ACBD5: variants seen among roughly 807,000 people sequenced by gnomAD.
ACBD5 encodes acyl-CoA binding domain containing 5.
A neutral mutation model predicts 71.8 loss-of-function variants in ACBD5; 40 were observed. The ratio of observed to expected loss-of-function variants is 0.56; its 90% CI spans 0.43 to 0.72. ACBD5 has a LOEUF of 0.72. Among genes scored for constraint, ACBD5 ranks in the 30% least tolerant of loss-of-function variants. ACBD5 has a pLI of 0.00. For synonymous variants in ACBD5, 229 were observed against 218.6 expected (o/e 1.05, Z -0.42); for missense variants, 559 against 644.5 (o/e 0.87, Z 1.44).
chr10:27,192,453 G>C (rs991758460), downstream of ACBD5, among the ~76,000 whole-genome samples: 1 of 152,050 alleles, frequency 6.6e-6, no homozygotes, highest in Non-Finnish European at 1.5e-5. Flanking sequence ...TGGGATATAA[G>C]CTGACCAGGC....
In ACBD5 at chr10:27,240,625, C is replaced by A. The variant is rs915627263; in HGVS notation, c.15+49G>T. 6.9e-5 allele frequency: 107 copies of A among 1,550,966 alleles called. No individual in the cohort carries two copies. Among genetic ancestry groups the A allele is most frequent in the Non-Finnish European group, 9.0e-5 (103 of 1,146,946 alleles). On this transcript the variant is annotated intron_variant, in intron 1 of 12. Coordinates refer to ENST00000396271, the MANE Select transcript of ACBD5 (RefSeq NM_145698.5). This position sits in a 1 kb window ranked among gnomAD's most constrained non-coding sequence, Gnocchi z 4.1. ...CCGGCTCCTTCCTCCTCCCCCGGGG[C>A]GTGACTAAGGCCACGAATCCGGCCC...
At chr10:27,206,254 GA>G (rs1302398824) in intron 10 of ACBD5, among the ~76,000 whole-genome samples, 1 of 151,062 alleles carries the variant, frequency 6.6e-6, no homozygotes, top group Non-Finnish European at 1.5e-5. Flanking sequence ...TACATCAAAA[GA>G]ATTTTAGCAG....
rs1456420694 is a variant in ACBD5, at chr10:27,196,086, C to T, written c.*1344G>A. The T allele has an allele frequency of 2.3e-6, 1 of 439,644 alleles. No individual in the cohort carries two copies. The highest frequency in any genetic ancestry group is 4.5e-6 in the Non-Finnish European group (1 of 220,692). The allele number at this position is 439,644 out of a possible 1,614,324, so 27.2% of individuals were successfully genotyped here. A position where few individuals can be genotyped will look rare whatever the true frequency, so the allele number is the denominator to read the frequency against. On this transcript the variant is annotated 3_prime_UTR_variant, in exon 13 of 13. Coordinates refer to ENST00000396271, the MANE Select transcript of ACBD5 (RefSeq NM_145698.5). ...GCATGGTGGTGCATGCCTGTAATCC[C>T]AGCTACTTGGGAGTGAGGCAGGAGA...
At chr10:27,212,029 G>A (rs1036857694) in intron 8 of ACBD5, among the ~76,000 whole-genome samples, 2 of 152,072 alleles carry the variant, frequency 1.3e-5, no homozygotes, top group African/African-American at 4.8e-5. Context: ...GGTGAGCAAC[G>A]ACCAAATAGG....
intron 2 of ACBD5, among the ~76,000 whole-genome samples, chr10:27,235,984 C>T (rs1483381191): frequency 6.6e-6 from 1 of 151,864 alleles, no homozygotes; most frequent in African/African-American, 2.4e-5. Context: ...TGTGATGGCA[C>T]ACCCTGTAGT....
Position 27,240,751 on chromosome 10 carries a change from G to A in ACBD5, c.-63C>T. The stretch of plus-strand genomic sequence containing the variant: ...CCGCGGAGCCGCTCTCCCACCCTGG[G>A]GACCCTGGCGGAGCAGCCACACCCC... On this transcript the variant is annotated 5_prime_UTR_variant, in exon 1 of 13. Transcript: ENST00000396271. The surrounding 1 kb of genome is among the most constrained non-coding windows in gnomAD (Gnocchi z 4.1). The A allele has an allele frequency of 6.5e-7, 1 of 1,549,738 alleles. No individual in the cohort carries two copies. Among genetic ancestry groups the A allele is most frequent in the Non-Finnish European group, 8.7e-7 (1 of 1,146,604 alleles).
chr10:27,197,494 T>A (rs1373558827), intron 12 of ACBD5, 52 bp from the exon 13 acceptor site: 1 of 1,318,858 alleles, frequency 7.6e-7, no homozygotes, highest in East Asian at 2.4e-5. Flanking sequence ...TGCAAATAAT[T>A]CTCTGGATGG....
At chr10:27,230,066 G>C (rs1195126753) in intron 4 of ACBD5, among the ~76,000 whole-genome samples, 1 of 146,956 alleles carries the variant, frequency 6.8e-6, no homozygotes, top group Non-Finnish European at 1.5e-5. Context: ...TGTTATAGAA[G>C]TATGTCCTAA....
intron 13 of ACBD5, chr10:27,186,708 G>T: frequency 1.5e-6 from 1 of 647,438 alleles, no homozygotes; most frequent in South Asian, 1.8e-5. Flanking sequence ...AAGGAATATA[G>T]TCAGTAATTT....
At chr10:27,232,103 T>A (rs1171625609) in intron 3 of ACBD5, among the ~76,000 whole-genome samples, 1 of 152,212 alleles carries the variant, frequency 6.6e-6, no homozygotes, top group African/African-American at 2.4e-5. Flanking sequence ...TCAAAGTTTT[T>A]ATATTATTAC....
intron 10 of ACBD5, 63 bp from the exon 11 acceptor site, chr10:27,205,311 T>G (rs904161226): frequency 6.5e-7 from 1 of 1,528,238 alleles, no homozygotes. Context: ...ATTATTCTAT[T>G]TCCTATCTTT....
intron 11 of ACBD5, among the ~76,000 whole-genome samples, chr10:27,204,987 T>C (rs948331055): frequency 3.0e-4 from 46 of 151,952 alleles, no homozygotes; most frequent in South Asian, 6.2e-4. Flanking sequence ...ATTAGCCGGG[T>C]GTGGTGGCGG....
At chr10:27,189,769 A>AAT (rs71386921) in intron 13 of ACBD5, among the ~76,000 whole-genome samples, 230 of 145,048 alleles carry the variant, frequency 1.6e-3, no homozygotes, top group South Asian at 3.6e-3. Flanking sequence ...GTATAATAAA[A>AAT]ATATATATAT....
At chr10:27,228,815 A>ATATTTTTT (rs1554856598) in intron 4 of ACBD5, among the ~76,000 whole-genome samples, 2 of 20,368 alleles carry the variant, frequency 9.8e-5, no homozygotes, top group East Asian at 1.9e-3. Context: ...ATATATATAT[A>ATATTTTTT]TTTTTTTTTT....
intron 12 of ACBD5, among the ~76,000 whole-genome samples, chr10:27,204,239 A>G (rs1479323976): frequency 6.0e-5 from 9 of 150,782 alleles, no homozygotes. Context: ...TCAAGTGAAA[A>G]TGTTTTTAAG....
chr10:27,223,172 T>C (rs2062569510), intron 5 of ACBD5, 166 bp downstream of exon 5: 1 of 724,140 alleles, frequency 1.4e-6, no homozygotes, highest in Non-Finnish European at 2.5e-6. Flanking sequence ...ATGTAAATTT[T>C]AAACAAAACT....
downstream of ACBD5, among the ~76,000 whole-genome samples, chr10:27,194,588 G>A (rs2059226755): frequency 6.8e-6 from 1 of 147,634 alleles, no homozygotes; most frequent in Non-Finnish European, 1.5e-5. Flanking sequence ...ATCCAGCCTG[G>A]GCGGCAGAGC....
In ACBD5 at chr10:27,218,133, CAAT is replaced by C; in HGVS notation, c.673_675del (p.Ile225del). The C allele has an allele frequency of 6.2e-7, 1 of 1,614,108 alleles. No homozygotes were observed. The highest frequency in any genetic ancestry group is 8.5e-7 in the Non-Finnish European group (1 of 1,179,994). ...CCATCTTTATCATAGCCATTAGTGA[CAAT>C]GACTTCCAAATTCTTATGGTCTGCT... On this transcript the variant is annotated inframe_deletion, in exon 7 of 13. Coordinates refer to ENST00000396271, the MANE Select transcript of ACBD5 (RefSeq NM_145698.5).
chr10:27,228,533 C>G (rs1276119253), intron 4 of ACBD5, among the ~76,000 whole-genome samples: 1 of 151,392 alleles, frequency 6.6e-6, no homozygotes, highest in Non-Finnish European at 1.5e-5. Flanking sequence ...GCCAAGATGG[C>G]GCCGTTACAC....
Sources: allele counts gnomAD v4.1 joint callset (sites outside exome capture counted in the v4.1 genomes callset), GRCh38; gene constraint gnomAD v4.1.1; non-coding constraint Gnocchi (gnomAD v3.1); transcripts MANE v1.5; gene names NCBI Gene and HGNC (gene_info 2026-07-23, HGNC 2026-07-21).